The following THADA variants were observed in gnomAD, a reference collection of about 807,000 sequenced individuals.
THADA encodes tRNA (32-2'-O)-methyltransferase regulator THADA.
Under a neutral mutation model 219.8 loss-of-function variants are expected in THADA, and 213 were observed. The observed-to-expected ratio is 0.97, with a 90% CI of 0.87 to 1.09. The LOEUF is 1.09. Ranked by LOEUF, THADA falls within the 50% of genes least tolerant of loss-of-function variation. THADA has a pLI of 0.00. For missense variants in THADA, 2,956 were observed against 2,311.3 expected (o/e 1.28, Z -5.72); for synonymous variants, 1,018 against 828.9 (o/e 1.23, Z -3.92).
intron 34 of THADA, among the ~76,000 whole-genome samples, chr2:43,287,983 C>G (rs1674242993): frequency 6.6e-6 from 1 of 152,168 alleles, no homozygotes; most frequent in African/African-American, 2.4e-5. Context: ...AGGTGGGACC[C>G]TAAGATAGAA....
chr2:43,266,765 G>T (rs975004013), intron 36 of THADA, among the ~76,000 whole-genome samples: 3 of 152,278 alleles, frequency 2.0e-5, no homozygotes, highest in East Asian at 1.9e-4. Flanking sequence ...GACTGGAAAG[G>T]CTTTGTGGGA....
At chr2:43,236,641 G>C (rs1361161168) in intron 36 of THADA, among the ~76,000 whole-genome samples, 1 of 152,206 alleles carries the variant, frequency 6.6e-6, no homozygotes, top group East Asian at 1.9e-4. Flanking sequence ...AGGATCACTT[G>C]AGACAAGACC....
intron 36 of THADA, among the ~76,000 whole-genome samples, chr2:43,270,602 A>G (rs1672009253): frequency 6.6e-6 from 1 of 152,212 alleles, no homozygotes; most frequent in Non-Finnish European, 1.5e-5. Flanking sequence ...CTGTCACCAC[A>G]GGGGCCGGAG....
chr2:43,518,707 T>C (rs772968074), intron 22 of THADA, among the ~76,000 whole-genome samples: 3 of 152,206 alleles, frequency 2.0e-5, no homozygotes, highest in Non-Finnish European at 4.4e-5. Context: ...CTTTTTCCTT[T>C]CTTTCTTAAG....
intron 21 of THADA, among the ~76,000 whole-genome samples, chr2:43,537,320 T>C (rs184145240): frequency 6.0e-4 from 92 of 152,354 alleles, no homozygotes; most frequent in Non-Finnish European, 1.2e-3. Flanking sequence ...TCCTCTATTG[T>C]ATTTCTAAGC....
intron 28 of THADA, among the ~76,000 whole-genome samples, chr2:43,427,780 C>A (rs1483846796): frequency 6.7e-6 from 1 of 149,210 alleles, no homozygotes; most frequent in African/African-American, 2.4e-5. Flanking sequence ...CACAGTGAAA[C>A]CCCATCTCTA....
At chr2:43,468,412 C>T (rs553531907) in intron 26 of THADA, among the ~76,000 whole-genome samples, 40 of 152,238 alleles carry the variant, frequency 2.6e-4, no homozygotes, top group African/African-American at 9.6e-4. Flanking sequence ...CCATTTTCTA[C>T]TGAATAACTA....
At chr2:43,356,595 ATTCTCAAACT>A (rs1210610485) in intron 29 of THADA, among the ~76,000 whole-genome samples, 1 of 152,214 alleles carries the variant, frequency 6.6e-6, no homozygotes, top group Non-Finnish European at 1.5e-5. Flanking sequence ...TATGGCAGGA[ATTCTCAAACT>A]TTCTCAATTC....
At chr2:43,362,478 G>A (rs990816794) in intron 29 of THADA, among the ~76,000 whole-genome samples, 1 of 152,104 alleles carries the variant, frequency 6.6e-6, no homozygotes, top group Non-Finnish European at 1.5e-5. Flanking sequence ...TCTAAACATA[G>A]AAAAGGTATG....
chr2:43,333,861 C>G (rs1666078217), intron 30 of THADA, among the ~76,000 whole-genome samples: 1 of 152,126 alleles, frequency 6.6e-6, no homozygotes, highest in East Asian at 1.9e-4. Context: ...GGGGACCAGC[C>G]CATGAGGGAT....
chr2:43,466,612 G>C (rs923511176), intron 26 of THADA, among the ~76,000 whole-genome samples: 1 of 152,054 alleles, frequency 6.6e-6, no homozygotes, highest in African/African-American at 2.4e-5. Context: ...CATAGCAGCA[G>C]GTCAATATAC....
At chr2:43,566,320 G>C in intron 15 of THADA, 2 of 557,010 alleles carry the variant, frequency 3.6e-6, no homozygotes, top group Non-Finnish European at 6.4e-6. Flanking sequence ...TAACCACAGA[G>C]ACTCACTGAG....
At chr2:43,486,169 T>C (rs189466948) in intron 25 of THADA, among the ~76,000 whole-genome samples, 14 of 152,244 alleles carry the variant, frequency 9.2e-5, no homozygotes, top group Non-Finnish European at 4.4e-5. Flanking sequence ...AAATCCAAAA[T>C]GTTGCTTATC....
chr2:43,578,401 C>T lies in THADA; in HGVS notation c.816+112G>A, dbSNP rs115269780. 8.9e-4 allele frequency: 590 copies of T among 664,484 alleles called. 1 individual carries two copies. In the African/African-American group the frequency reaches 0.01, roughly 11 times the overall value. 41.2% of individuals were successfully genotyped at this position (664,484 alleles called of 1,614,324 possible). A position where few individuals can be genotyped will look rare whatever the true frequency, so the allele number is the denominator to read the frequency against. ...GCCTCAAGTGACCCTCCTGCCCTGG[C>T]CTCCCAAAGTGTTGGGATTATAAGT... On this transcript the variant is annotated intron_variant, in intron 9 of 37. Coordinates refer to ENST00000405975, the MANE Select transcript of THADA (RefSeq NM_022065.5).
intron 29 of THADA, among the ~76,000 whole-genome samples, chr2:43,348,059 C>A (rs993134856): frequency 2.0e-5 from 3 of 152,302 alleles, no homozygotes; most frequent in East Asian, 3.9e-4. Context: ...TTGAAACCAG[C>A]GGCTCAAAAC....
chr2:43,327,978 C>G (rs1032618822), intron 30 of THADA, among the ~76,000 whole-genome samples: 21 of 152,156 alleles, frequency 1.4e-4, no homozygotes, highest in African/African-American at 4.6e-4. Context: ...CCAGATACTG[C>G]CTCTCCTTAT....
At chr2:43,418,516 T>G (rs1471828113) in intron 28 of THADA, among the ~76,000 whole-genome samples, 3 of 152,198 alleles carry the variant, frequency 2.0e-5, no homozygotes, top group African/African-American at 7.2e-5. Flanking sequence ...GACATTGTAC[T>G]AGGCCCTAAA....
At chr2:43,391,373 G>A (rs1673362132) in intron 29 of THADA, among the ~76,000 whole-genome samples, 1 of 152,218 alleles carries the variant, frequency 6.6e-6, no homozygotes, top group Middle Eastern at 3.4e-3. Context: ...CAACCACACA[G>A]TGCAGTACAG....
At chr2:43,572,771 G>C in intron 12 of THADA, 43 bp downstream of exon 12, 1 of 1,569,070 alleles carries the variant, frequency 6.4e-7, no homozygotes, top group South Asian at 1.2e-5. Flanking sequence ...TACATGAAAG[G>C]GATCTACTGC....
Sources: gnomAD v4.1 joint callset for allele counts (sites outside exome capture counted in the v4.1 genomes callset) on GRCh38, gnomAD v4.1.1 for gene constraint, MANE v1.5 for transcripts, NCBI Gene and HGNC (gene_info 2026-07-23, HGNC 2026-07-21) for gene names.